Variants in GRM5 observed in about 807,000 individuals in gnomAD.
GRM5 encodes glutamate metabotropic receptor 5.
GRM5 carries 19 observed loss-of-function variants against 83.1 expected under a neutral mutation model. That is an observed-to-expected ratio of 0.23 (90% CI 0.16 to 0.34). The LOEUF is 0.34. Among genes scored for constraint, GRM5 ranks in the 10% least tolerant of loss-of-function variants. The pLI is 1.00. For missense variants in GRM5, 1,160 were observed against 1,588.3 expected, an observed-to-expected ratio of 0.73 and a Z score of 4.58; for synonymous variants, 675 against 633.6, an observed-to-expected ratio of 1.07 and a Z score of -0.98.
At chr11:88,889,767 T>C (rs1945109581) in intron 2 of GRM5, among the ~76,000 whole-genome samples, 1 of 152,208 alleles carries the variant, frequency 6.6e-6, no homozygotes, top group African/African-American at 2.4e-5. Flanking sequence ...TCTTAATGCA[T>C]GTGTGAGAGG....
intron 9 of GRM5, among the ~76,000 whole-genome samples, chr11:88,514,125 G>A (rs530192115): frequency 6.6e-6 from 1 of 152,178 alleles, no homozygotes; most frequent in African/African-American, 2.4e-5. Flanking sequence ...ATCTGAGGAG[G>A]GGGCCAAAAG....
intron 3 of GRM5, among the ~76,000 whole-genome samples, chr11:88,798,842 A>AC (rs796428270): frequency 1.9e-4 from 29 of 150,578 alleles, no homozygotes; most frequent in Admixed American, 7.3e-4. Context: ...AACAACAACA[A>AC]AAAAAAACTG....
At chr11:88,549,469 C>T (rs139243903) in intron 8 of GRM5, among the ~76,000 whole-genome samples, 1,585 of 149,768 alleles carry the variant, frequency 0.011, 23 homozygotes, top group African/African-American at 0.037. Flanking sequence ...CCAAACAAAA[C>T]GAAACAAACC....
rs576649973 is a variant in GRM5, at chr11:89,009,745, CAAA to C, written c.661+37464_661+37466del. Among the ~76,000 whole-genome samples, 993 of 149,570 alleles carry C rather than the reference CAAA, an allele frequency of 6.6e-3. 5 individuals are homozygous for C. Among genetic ancestry groups the C allele is most frequent in the African/African-American group, 0.024 (960 of 40,270 alleles). On this transcript the variant is annotated intron_variant, in intron 2 of 9. Transcript: ENST00000305447. ...CCCCGTCTCTACTAAAAAAAAAATA[CAAA>C]AAATTAGCCGGGCGTGGTAGCGGGC...
chr11:88,788,139 C>T (rs935013074), intron 3 of GRM5, among the ~76,000 whole-genome samples: 2 of 152,156 alleles, frequency 1.3e-5, no homozygotes. Context: ...TCTCCTTATT[C>T]TTCTTTGCTC....
chr11:88,934,202 A>C (rs951915059), intron 2 of GRM5, among the ~76,000 whole-genome samples: 3 of 151,810 alleles, frequency 2.0e-5, no homozygotes, highest in Admixed American at 1.3e-4. Flanking sequence ...TTGGTCTTTT[A>C]ATACAGAAAG....
At chr11:88,622,998 A>AAAGT (rs1938682021) in intron 4 of GRM5, among the ~76,000 whole-genome samples, 1 of 152,198 alleles carries the variant, frequency 6.6e-6, no homozygotes, top group Non-Finnish European at 1.5e-5. Flanking sequence ...TTGTATAGGG[A>AAAGT]AAGTGTGGGT....
intron 3 of GRM5, among the ~76,000 whole-genome samples, chr11:88,681,081 T>C (rs2135345370): frequency 6.6e-6 from 1 of 150,686 alleles, no homozygotes; most frequent in South Asian, 2.1e-4. Context: ...TCAAGACACA[T>C]GTATGGACTT....
intron 3 of GRM5, among the ~76,000 whole-genome samples, chr11:88,719,126 G>T (rs1001973525): frequency 6.6e-6 from 1 of 151,342 alleles, no homozygotes; most frequent in Non-Finnish European, 1.5e-5. Flanking sequence ...ACATAAACTT[G>T]TGTCGTGGGG....
intron 3 of GRM5, among the ~76,000 whole-genome samples, chr11:88,824,018 T>C (rs11499570): frequency 0.025 from 3,874 of 152,290 alleles, 169 homozygotes; most frequent in African/African-American, 0.089. Flanking sequence ...GGTTCTATAC[T>C]GCATATTGGT....
intron 3 of GRM5, among the ~76,000 whole-genome samples, chr11:88,764,860 T>C (rs1174203246): frequency 6.6e-6 from 1 of 151,218 alleles, no homozygotes; most frequent in South Asian, 2.1e-4. Context: ...CACATATAAC[T>C]TAAATAGAAA....
rs374911223 is a variant in GRM5, at chr11:88,539,201, G to C, written c.2631-13797C>G. 9.2e-5 allele frequency among the ~76,000 whole-genome samples: 14 copies of C among 152,324 alleles called. 1 individual carries two copies. The South Asian group carries it at 1.7e-3, about 18-fold the overall frequency. ...TTGCTCTAAAGCTGATGGAGTATCA[G>C]GGTCCCTCACTCACAGATGCCCCTG... On this transcript the variant is annotated intron_variant, in intron 8 of 9. Coordinates refer to ENST00000305447, the MANE Select transcript of GRM5 (RefSeq NM_001143831.3).
chr11:88,722,734 G>A (rs1365017335), intron 3 of GRM5, among the ~76,000 whole-genome samples: 1 of 152,098 alleles, frequency 6.6e-6, no homozygotes, highest in Non-Finnish European at 1.5e-5. Flanking sequence ...ATAGTTTTAT[G>A]TTTATAAAGA....
At chr11:88,668,302 C>CAT (rs1380693402) in intron 3 of GRM5, among the ~76,000 whole-genome samples, 1 of 39,046 alleles carries the variant, frequency 2.6e-5, no homozygotes, top group African/African-American at 4.3e-5. Flanking sequence ...AACTCGCACA[C>CAT]ACACACACAC....
intron 3 of GRM5, among the ~76,000 whole-genome samples, chr11:88,699,105 C>G (rs1221086081): frequency 3.0e-4 from 2 of 6,702 alleles, no homozygotes; most frequent in Admixed American, 4.8e-3. Flanking sequence ...AAAAACAAAA[C>G]AAAAAAAAAA....
intron 3 of GRM5, among the ~76,000 whole-genome samples, chr11:88,679,643 T>A (rs1940427063): frequency 6.6e-6 from 1 of 152,142 alleles, no homozygotes; most frequent in African/African-American, 2.4e-5. Context: ...CTCAAATACT[T>A]TTATACTTTT....
chr11:89,024,206 T>C (rs537168520), intron 2 of GRM5, among the ~76,000 whole-genome samples: 1 of 152,310 alleles, frequency 6.6e-6, no homozygotes, highest in Admixed American at 6.5e-5. Flanking sequence ...AGAGTGAGAC[T>C]CTATCTTAAT....
rs151320910 is a variant in GRM5 at position 88,759,756 on chromosome 11, C to T, written c.911+90150G>A. Among the ~76,000 whole-genome samples, 67 of 152,060 alleles carry T rather than the reference C, an allele frequency of 4.4e-4. 1 individual carries two copies. Among genetic ancestry groups the T allele is most frequent in the African/African-American group, 1.5e-3 (64 of 41,512 alleles). On this transcript the variant is annotated intron_variant, in intron 3 of 9. Transcript: ENST00000305447. ...CAGACATCTACAGAACTCTCCACCC[C>T]AAAACAAAGGAATATATATTCTTTG...
At chr11:88,871,453 A>C (rs1213377034) in intron 2 of GRM5, among the ~76,000 whole-genome samples, 1 of 151,616 alleles carries the variant, frequency 6.6e-6, no homozygotes, top group African/African-American at 2.4e-5. Flanking sequence ...GTTAAATGCC[A>C]TAATGCAAAT....
Sources: allele counts gnomAD v4.1 joint callset (sites outside exome capture counted in the v4.1 genomes callset), GRCh38; gene constraint gnomAD v4.1.1; transcripts MANE v1.5; gene names NCBI Gene and HGNC (gene_info 2026-07-23, HGNC 2026-07-21).